PDE5A: variants seen among roughly 807,000 people sequenced by gnomAD.
The protein encoded by PDE5A is phosphodiesterase 5A, also known as cGMP-specific 3',5'-cyclic phosphodiesterase.
PDE5A carries 67 observed loss-of-function variants against 110.2 expected under a neutral mutation model. That is an observed-to-expected ratio of 0.61 (90% confidence interval 0.50 to 0.75). PDE5A has a LOEUF of 0.75. Ranked by LOEUF, PDE5A falls within the 30% of genes least tolerant of loss-of-function variation. The pLI is 0.00. For synonymous variants in PDE5A, 328 were observed against 351.2 expected (o/e 0.93, Z 0.74); for missense variants, 862 against 1,045.1 (o/e 0.82, Z 2.42).
Position 119,498,352 on chromosome 4 carries a change from T to C in PDE5A, c.*249A>G, listed in dbSNP as rs1442760445. On this transcript the variant is annotated 3_prime_UTR_variant, in exon 21 of 21. Transcript: ENST00000354960. ...ACACGAAATATCACAAACAATGCTT[T>C]TATCAATGTGCTAACAGTGGATGTT... The C allele has an allele frequency of 2.5e-6, 1 of 406,634 alleles. No homozygotes were observed. Among genetic ancestry groups the C allele is most frequent in the African/African-American group, 2.0e-5 (1 of 50,896 alleles). 25.2% of individuals were successfully genotyped at this position (406,634 alleles called of 1,614,324 possible).
intron 1 of PDE5A, among the ~76,000 whole-genome samples, chr4:119,613,091 A>C (rs1729813092): frequency 6.6e-6 from 1 of 152,208 alleles, no homozygotes. Context: ...AATTCAAAAA[A>C]CTAGTTTAGG....
intron 9 of PDE5A, chr4:119,548,073 G>T (rs1252698978): frequency 8.6e-6 from 1 of 116,394 alleles, no homozygotes; most frequent in African/African-American, 3.3e-5. Flanking sequence ...TTTTGAGACG[G>T]AGTCCCGCTC....
Position 119,628,691 on chromosome 4 carries a change from G to C in PDE5A, c.-20C>G, listed in dbSNP as rs1464828991. ...CTCCATGGTTGGCACCGCGCGCCTC[G>C]GAGGCTCTCTGGTACTGCTTTTCCA... is the stretch of plus-strand genomic sequence containing the variant. On this transcript the variant is annotated 5_prime_UTR_variant, in exon 1 of 21. Coordinates refer to ENST00000354960, the MANE Select transcript of PDE5A (RefSeq NM_001083.4). 2 of 1,609,104 alleles carry C rather than the reference G, an allele frequency of 1.2e-6. No individual in the cohort carries two copies. The highest frequency in any genetic ancestry group is 1.1e-5 in the South Asian group (1 of 90,984).
chr4:119,582,649 A>G (rs909840296), intron 3 of PDE5A, among the ~76,000 whole-genome samples: 1 of 152,228 alleles, frequency 6.6e-6, no homozygotes, highest in African/African-American at 2.4e-5. Flanking sequence ...AATTTCTTAA[A>G]CAATAAGACT....
chr4:119,595,557 G>C (rs777903759), intron 3 of PDE5A, among the ~76,000 whole-genome samples: 1 of 152,162 alleles, frequency 6.6e-6, no homozygotes, highest in Non-Finnish European at 1.5e-5. Context: ...AAAAGGCAGA[G>C]GAAGAGCATA....
At chr4:119,580,567 G>A (rs1227255145) in intron 3 of PDE5A, among the ~76,000 whole-genome samples, 3 of 152,150 alleles carry the variant, frequency 2.0e-5, no homozygotes, top group East Asian at 3.9e-4. Context: ...CCCAAGAGGT[G>A]AGAGCTCTGC....
chr4:119,606,261 G>T (rs950481535), intron 2 of PDE5A, among the ~76,000 whole-genome samples: 1 of 152,056 alleles, frequency 6.6e-6, no homozygotes, highest in East Asian at 1.9e-4. Context: ...ATGGGACTTT[G>T]AATGAATATG....
intron 11 of PDE5A, among the ~76,000 whole-genome samples, chr4:119,527,599 GAAAT>G (rs1460658113): frequency 4.6e-5 from 7 of 152,150 alleles, no homozygotes; most frequent in African/African-American, 1.4e-4. Flanking sequence ...CTAATAGCAG[GAAAT>G]AAATTTACTA....
intron 4 of PDE5A, among the ~76,000 whole-genome samples, chr4:119,566,721 G>GT (rs951361400): frequency 1.6e-4 from 25 of 152,158 alleles, no homozygotes; most frequent in African/African-American, 5.8e-4. Context: ...TTGGAGCAGT[G>GT]TTTTTATGGG....
intron 11 of PDE5A, among the ~76,000 whole-genome samples, chr4:119,536,045 A>T: frequency 6.6e-6 from 1 of 152,164 alleles, no homozygotes; most frequent in Non-Finnish European, 1.5e-5. Context: ...ATTTAAGTGA[A>T]TTACTTGACC....
intron 9 of PDE5A, among the ~76,000 whole-genome samples, chr4:119,544,355 T>G (rs544697394): frequency 6.6e-6 from 1 of 152,208 alleles, no homozygotes; most frequent in South Asian, 2.1e-4. Flanking sequence ...AGACAAGATA[T>G]AATGAATTTG....
chr4:119,538,498 A>G (rs987405901), intron 11 of PDE5A, among the ~76,000 whole-genome samples: 2 of 152,200 alleles, frequency 1.3e-5, no homozygotes, highest in Non-Finnish European at 2.9e-5. Context: ...TGTATGCTAA[A>G]TAATGCAAAG....
At chr4:119,550,531 T>C (rs1272948692) in intron 9 of PDE5A, 1 of 152,228 alleles carries the variant, frequency 6.6e-6, no homozygotes. Context: ...ACTCTTTCCA[T>C]GTCGTCTAAC....
intron 1 of PDE5A, among the ~76,000 whole-genome samples, chr4:119,609,626 AC>A (rs1046262197): frequency 4.6e-5 from 7 of 152,106 alleles, no homozygotes; most frequent in African/African-American, 1.7e-4. Context: ...TAAAAATATT[AC>A]CCCCCTTATA....
At chr4:119,591,699 C>T (rs532464552) in intron 3 of PDE5A, among the ~76,000 whole-genome samples, 1 of 152,300 alleles carries the variant, frequency 6.6e-6, no homozygotes, top group East Asian at 1.9e-4. Flanking sequence ...TTATAACAGC[C>T]ACGCTTGATA....
chr4:119,601,944 A>G (rs1729361563), intron 2 of PDE5A, among the ~76,000 whole-genome samples: 1 of 152,194 alleles, frequency 6.6e-6, no homozygotes, highest in Non-Finnish European at 1.5e-5. Context: ...AAAAAGATAA[A>G]GAAATGCTGA....
intron 10 of PDE5A, among the ~76,000 whole-genome samples, chr4:119,539,872 A>T (rs979417645): frequency 2.0e-5 from 3 of 152,170 alleles, no homozygotes; most frequent in African/African-American, 7.2e-5. Context: ...TTTGAGTGTC[A>T]TGCTGCTGCT....
chr4:119,592,456 T>TAAAAAAA (rs55997249), intron 3 of PDE5A, among the ~76,000 whole-genome samples: 6,266 of 66,086 alleles, frequency 0.095, 698 homozygotes, highest in East Asian at 0.17. Flanking sequence ...AGACTCTGTT[T>TAAAAAAA]AAAAAAAAAA....
chr4:119,520,633 A>G (rs1019040412), intron 13 of PDE5A, among the ~76,000 whole-genome samples: 1 of 152,124 alleles, frequency 6.6e-6, no homozygotes, highest in African/African-American at 2.4e-5. Flanking sequence ...CTTTTTCTTA[A>G]TAAGGCAGTG....
Sources: gnomAD v4.1 joint callset for allele counts (sites outside exome capture counted in the v4.1 genomes callset) on GRCh38, gnomAD v4.1.1 for gene constraint, MANE v1.5 for transcripts, NCBI Gene and HGNC (gene_info 2026-07-23, HGNC 2026-07-21) for gene names.